NCOA1: variants seen among roughly 807,000 people sequenced by gnomAD.
NCOA1 encodes the protein Hin-2 protein.
In NCOA1, 35 loss-of-function variants were observed where a neutral mutation model predicts 150.9. The ratio of observed to expected loss-of-function variants is 0.23; its 90% confidence interval spans 0.18 to 0.31. NCOA1 has a LOEUF of 0.31. Ranked by LOEUF, NCOA1 falls within the 10% of genes least tolerant of loss-of-function variation. The pLI is 1.00. For missense variants in NCOA1, 1,491 were observed against 1,749.3 expected (o/e 0.85, Z 2.63); for synonymous variants, 590 against 630.0 (o/e 0.94, Z 0.95).
chr2:24,763,287 C>T (rs546016233), intron 22 of NCOA1, among the ~76,000 whole-genome samples: 1 of 152,198 alleles, frequency 6.6e-6, no homozygotes, highest in African/African-American at 2.4e-5. Context: ...TGCCTGTAAT[C>T]CCAGCACTTT....
rs116832838 is a variant in NCOA1, at chr2:24,602,989, A to G, written c.-175+18429A>G. ...CTATTCCTAAATTATCTATTGATCC[A>G]CTTATTTTATCAAACTTTTTAAAAA... On this transcript the variant is annotated intron_variant, in intron 3 of 22. Coordinates refer to ENST00000348332, the MANE Select transcript of NCOA1 (RefSeq NM_003743.5). Among the ~76,000 whole-genome samples the G allele has an allele frequency of 9.3e-3, 1,413 of 152,282 alleles. 19 individuals carry two copies. The highest frequency in any genetic ancestry group is 0.032 in the African/African-American group (1,341 of 41,552).
intron 19 of NCOA1, among the ~76,000 whole-genome samples, chr2:24,746,021 C>G (rs1663900235): frequency 6.6e-6 from 1 of 152,240 alleles, no homozygotes; most frequent in African/African-American, 2.4e-5. Context: ...CTTAAAACCA[C>G]TTGTTAACCT....
rs142133235 is a variant in NCOA1, at chr2:24,739,443, A to G, written c.3213A>G (p.Gln1071=). 2.5e-5 allele frequency: 40 copies of G among 1,613,658 alleles called. No homozygotes were observed. The Middle Eastern group carries it at 1.5e-3, about 60-fold the overall frequency. The change falls in exon 18 of 23, where the codon CAA becomes CAG. Residue 1071 remains glutamine (Q), a synonymous_variant. Transcript: ENST00000348332. ...RLQGQQQLIH[Q]NRQAILNQFA... The stretch of plus-strand genomic sequence containing the variant: ...CCATTTTTCTCTAGTTGATACACCA[A>G]AATCGGCAAGCTATCTTAAACCAGT...
chr2:24,733,311 A>G (rs1663114325), intron 17 of NCOA1, among the ~76,000 whole-genome samples: 1 of 152,166 alleles, frequency 6.6e-6, no homozygotes, highest in Non-Finnish European at 1.5e-5. Flanking sequence ...TGTGTCTGTG[A>G]CTAAGTTCAT....
intron 6 of NCOA1, among the ~76,000 whole-genome samples, chr2:24,670,028 T>G (rs1671612023): frequency 1.3e-5 from 2 of 152,160 alleles, no homozygotes; most frequent in Admixed American, 6.6e-5. Context: ...GTCCCAACTA[T>G]TCGGGAGACC....
chr2:24,519,330 C>T (rs890464346), intron 1 of NCOA1, among the ~76,000 whole-genome samples: 1 of 152,014 alleles, frequency 6.6e-6, no homozygotes, highest in African/African-American at 2.4e-5. Context: ...AGAGTGGTCT[C>T]TATAGAAATA....
intron 17 of NCOA1, among the ~76,000 whole-genome samples, chr2:24,734,448 TA>T (rs1416141317): frequency 6.6e-6 from 1 of 152,144 alleles, no homozygotes; most frequent in African/African-American, 2.4e-5. Flanking sequence ...GAAGTATTAA[TA>T]AAATGAGGGT....
At chr2:24,594,335 A>G (rs886313356) in intron 3 of NCOA1, among the ~76,000 whole-genome samples, 3 of 152,174 alleles carry the variant, frequency 2.0e-5, no homozygotes, top group Non-Finnish European at 4.4e-5. Flanking sequence ...CAAAAGGAAT[A>G]TACCAGAAAT....
At chr2:24,700,759 C>G (rs899024096) in intron 11 of NCOA1, among the ~76,000 whole-genome samples, 1 of 152,082 alleles carries the variant, frequency 6.6e-6, no homozygotes, top group Non-Finnish European at 1.5e-5. Flanking sequence ...TCCCAAGGTC[C>G]CTGATAAGAT....
chr2:24,657,214 C>T (rs560719671), intron 4 of NCOA1, among the ~76,000 whole-genome samples: 3 of 137,072 alleles, frequency 2.2e-5, no homozygotes, highest in Non-Finnish European at 5.1e-5. Context: ...GAAAATGATA[C>T]TTAAGCAGGG....
chr2:24,626,381 C>T (rs1010532535), intron 3 of NCOA1, among the ~76,000 whole-genome samples: 1 of 152,102 alleles, frequency 6.6e-6, no homozygotes, highest in African/African-American at 2.4e-5. Flanking sequence ...ACTTGGATTG[C>T]TAACAGTATG....
At chr2:24,681,905 G>T (rs1363865644) in intron 7 of NCOA1, among the ~76,000 whole-genome samples, 3 of 151,960 alleles carry the variant, frequency 2.0e-5, no homozygotes, top group Non-Finnish European at 2.9e-5. Flanking sequence ...TAGTAGAGAC[G>T]GGGTTTCACC....
intron 1 of NCOA1, among the ~76,000 whole-genome samples, chr2:24,535,150 A>G (rs1285635511): frequency 2.0e-5 from 3 of 152,134 alleles, no homozygotes; most frequent in African/African-American, 7.2e-5. Context: ...GGGTGCATAT[A>G]TATTTAGGAT....
intron 19 of NCOA1, 79 bp from the exon 20 acceptor site, chr2:24,751,903 G>C: frequency 7.8e-7 from 1 of 1,284,952 alleles, no homozygotes; most frequent in Non-Finnish European, 1.1e-6. Flanking sequence ...TATTGTGACA[G>C]ATCCTTTTGG....
At chr2:24,673,711 A>G (rs973931282) in intron 7 of NCOA1, among the ~76,000 whole-genome samples, 4 of 152,196 alleles carry the variant, frequency 2.6e-5, no homozygotes, top group Admixed American at 1.3e-4. Flanking sequence ...AGCTTATTAT[A>G]TGGCTTTGCC....
At chr2:24,508,929 C>T (rs1452578886) in intron 1 of NCOA1, among the ~76,000 whole-genome samples, 5 of 152,132 alleles carry the variant, frequency 3.3e-5, no homozygotes, top group Non-Finnish European at 1.5e-5. Context: ...ACCATGTTGT[C>T]TAGAAGAAAA....
intron 1 of NCOA1, among the ~76,000 whole-genome samples, chr2:24,560,101 G>A (rs1045578511): frequency 6.6e-6 from 1 of 152,130 alleles, no homozygotes; most frequent in African/African-American, 2.4e-5. Context: ...TTTCTTGTGA[G>A]CACCTGGTCA....
chr2:24,708,518 G>A (rs1335958202), intron 13 of NCOA1, among the ~76,000 whole-genome samples: 1 of 152,024 alleles, frequency 6.6e-6, no homozygotes, highest in East Asian at 1.9e-4. Flanking sequence ...GTTTAGGATG[G>A]GGTGAAAGTG....
At chr2:24,576,695 A>G (rs1271997169) in intron 2 of NCOA1, among the ~76,000 whole-genome samples, 1 of 152,178 alleles carries the variant, frequency 6.6e-6, no homozygotes, top group Non-Finnish European at 1.5e-5. Context: ...ATGTGGGCCT[A>G]AGTTAAAGAA....
Sources: gnomAD v4.1 joint callset for allele counts (sites outside exome capture counted in the v4.1 genomes callset) on GRCh38, gnomAD v4.1.1 for gene constraint, MANE v1.5 for transcripts, NCBI Gene and HGNC (gene_info 2026-07-23, HGNC 2026-07-21) for gene names.